The following TENM4 variants were observed in gnomAD, a reference collection of about 807,000 sequenced individuals.
The protein encoded by TENM4 is teneurin transmembrane protein 4, also known as teneurin-4.
TENM4 carries 82 observed loss-of-function variants against 243.3 expected under a neutral mutation model. The ratio of observed to expected loss-of-function variants is 0.34; its 90% CI spans 0.28 to 0.40. The LOEUF is 0.40. TENM4 is among the 10% of genes least tolerant of loss of function. TENM4 has a pLI of 1.00. For missense variants in TENM4, 3,138 were observed against 3,673.3 expected, an observed-to-expected ratio of 0.85 and a Z score of 3.77; for synonymous variants, 1,412 against 1,456.3, an observed-to-expected ratio of 0.97 and a Z score of 0.69.
intron 6 of TENM4, among the ~76,000 whole-genome samples, chr11:78,988,884 C>T (rs672583): frequency 0.33 from 50,894 of 152,108 alleles, 9,997 homozygotes; most frequent in Middle Eastern, 0.46. Flanking sequence ...ACTATGTTGC[C>T]TAGGCTGGTC....
chr11:79,438,242 C>T lies in TENM4; in HGVS notation c.-321+2267G>A, dbSNP rs58080034. 0.085 allele frequency among the ~76,000 whole-genome samples: 12,928 copies of T among 152,224 alleles called. 584 individuals are homozygous for T. The highest frequency in any genetic ancestry group is 0.11 in the East Asian group (579 of 5,160). On this transcript the variant is annotated intron_variant, in intron 1 of 33. Transcript: ENST00000278550. The surrounding 1 kb of genome is among the most constrained non-coding windows in gnomAD (Gnocchi z 4.1). ...TGTCAGGGCTGGGGTGGCTTATCCC[C>T]CTACAGACGAAAATCAAGATTTAAA...
intron 6 of TENM4, among the ~76,000 whole-genome samples, chr11:78,947,596 A>AGGC (rs1367951418): frequency 3.0e-4 from 46 of 152,210 alleles, no homozygotes; most frequent in African/African-American, 1.0e-3. Context: ...CTTAGCTATA[A>AGGC]ACCTCCGACA....
rs545289416 is a variant in TENM4 at position 79,149,426 on chromosome 11, A to G, written c.-162-620T>C. Reference sequence around the variant, plus strand: ...AAGTGCTGTCTTGGCTATATTCCACAACTTTTGATATTTAATATTTCTTTG... The same window carrying G: ...AAGTGCTGTCTTGGCTATATTCCACGACTTTTGATATTTAATATTTCTTTG... On this transcript the variant is annotated intron_variant, in intron 3 of 33. Transcript: ENST00000278550. Among the ~76,000 whole-genome samples, 12 of 152,228 alleles carry G rather than the reference A, an allele frequency of 7.9e-5. 1 individual carries two copies. Among genetic ancestry groups the G allele is most frequent in the African/African-American group, 2.4e-4 (10 of 41,542 alleles).
At chr11:79,345,236 T>C (rs1857307087) in intron 1 of TENM4, among the ~76,000 whole-genome samples, 1 of 152,232 alleles carries the variant, frequency 6.6e-6, no homozygotes, top group East Asian at 1.9e-4. Context: ...GATTTCTTTC[T>C]GTTTTATTCT....
chr11:78,972,925 C>G (rs1857576087), intron 6 of TENM4, among the ~76,000 whole-genome samples: 1 of 152,214 alleles, frequency 6.6e-6, no homozygotes, highest in Admixed American at 6.5e-5. Flanking sequence ...AAAATGGGAT[C>G]ATATAATATG....
At position 79,395,216 on chromosome 11, in the gene TENM4, C is replaced by G. The variant is rs190368765; in HGVS notation, c.-321+45293G>C. 5.3e-4 allele frequency among the ~76,000 whole-genome samples: 80 copies of G among 152,326 alleles called. No individual in the cohort carries two copies. In the Middle Eastern group the frequency reaches 0.01, roughly 19 times the overall value. ...TGAATTCCTACATCTCCTGCCATCT[C>G]TTCACATCAGCTATTTTCCTTCCAG... On this transcript the variant is annotated intron_variant, in intron 1 of 33. Coordinates refer to ENST00000278550, the MANE Select transcript of TENM4 (RefSeq NM_001098816.3).
chr11:78,968,804 C>T (rs1857486744), intron 6 of TENM4, among the ~76,000 whole-genome samples: 1 of 152,150 alleles, frequency 6.6e-6, no homozygotes, highest in Non-Finnish European at 1.5e-5. Flanking sequence ...AATGCTGTTT[C>T]CAAGTGGTGG....
intron 15 of TENM4, among the ~76,000 whole-genome samples, chr11:78,799,950 T>A (rs1340305437): frequency 6.6e-6 from 1 of 151,900 alleles, no homozygotes; most frequent in Non-Finnish European, 1.5e-5. Flanking sequence ...TTTATGAGGC[T>A]GAGGAGAGAG....
intron 6 of TENM4, among the ~76,000 whole-genome samples, chr11:78,944,771 CTG>C (rs1479266748): frequency 6.6e-6 from 1 of 152,194 alleles, no homozygotes; most frequent in African/African-American, 2.4e-5. Context: ...ACAAAGCACA[CTG>C]TATCTTCACT....
intron 17 of TENM4, among the ~76,000 whole-genome samples, chr11:78,772,814 T>C (rs967070456): frequency 1.3e-5 from 2 of 152,196 alleles, no homozygotes; most frequent in Non-Finnish European, 2.9e-5. Flanking sequence ...CATGTAACAA[T>C]TGTGTACTCC....
At chr11:78,707,450 A>G (rs1859285278) in intron 27 of TENM4, among the ~76,000 whole-genome samples, 1 of 152,254 alleles carries the variant, frequency 6.6e-6, no homozygotes, top group Non-Finnish European at 1.5e-5. Flanking sequence ...ACTCTTTGGC[A>G]TGGTACAACA....
chr11:79,233,889 A>C (rs1356182561), intron 2 of TENM4, among the ~76,000 whole-genome samples: 6 of 152,184 alleles, frequency 3.9e-5, no homozygotes, highest in African/African-American at 1.2e-4. Flanking sequence ...GGCCCTTTCA[A>C]TAGGTTGTAC....
intron 1 of TENM4, among the ~76,000 whole-genome samples, chr11:79,318,959 G>C (rs1425195844): frequency 2.6e-5 from 4 of 152,144 alleles, no homozygotes; most frequent in African/African-American, 9.7e-5. Context: ...GTCCAATCCA[G>C]CCATCAGCCA....
Position 79,069,874 on chromosome 11 carries a change from C to A in TENM4, c.71G>T (p.Ser24Ile). 6.5e-7 allele frequency: 1 copy of A among 1,549,910 alleles called. No individual in the cohort carries two copies. ...GCCCTCCTCGCTGTCCGCGGACGAG[C>A]TGGTGTAGCGGCGCTCGGCGTCGCG... ...RRRDAERRYTSSSADSEEGKA... is the reference protein window; with the variant it reads ...RRRDAERRYTISSADSEEGKA... The change falls in exon 5 of 34, where the codon AGC becomes ATC. Residue 24 changes from serine to isoleucine, a missense_variant. By Grantham distance (142) the Ser-to-Ile change is moderately radical. Around this residue, in one of 2 missense-constraint regions of TENM4, gnomAD observed 671 missense variants for 614.1 expected, o/e 1.09. Coordinates refer to ENST00000278550, the MANE Select transcript of TENM4 (RefSeq NM_001098816.3).
chr11:78,843,049 C>T (rs191617748), intron 12 of TENM4, among the ~76,000 whole-genome samples: 3 of 152,038 alleles, frequency 2.0e-5, no homozygotes, highest in Admixed American at 6.5e-5. Flanking sequence ...GAGGCCGAGG[C>T]GGGTGGATCA....
At chr11:78,999,010 A>C (rs1051226675) in intron 6 of TENM4, among the ~76,000 whole-genome samples, 1 of 152,224 alleles carries the variant, frequency 6.6e-6, no homozygotes, top group Non-Finnish European at 1.5e-5. Context: ...ATTTCCCTTC[A>C]TCTCACATCT....
chr11:78,871,190 T>C (rs1331840444), intron 9 of TENM4, among the ~76,000 whole-genome samples: 2 of 152,194 alleles, frequency 1.3e-5, no homozygotes, highest in African/African-American at 2.4e-5. Flanking sequence ...ACCAGTTACA[T>C]GACAACTTTA....
intron 5 of TENM4, among the ~76,000 whole-genome samples, chr11:79,065,641 A>G (rs1860224988): frequency 6.6e-6 from 1 of 152,174 alleles, no homozygotes; most frequent in African/African-American, 2.4e-5. Context: ...AGTGAAGAAG[A>G]TGGGGACTGG....
intron 24 of TENM4, 100 bp from the exon 25 acceptor site, chr11:78,720,490 A>G (rs928087652): frequency 8.0e-6 from 9 of 1,119,540 alleles, no homozygotes; most frequent in Middle Eastern, 2.0e-4. Flanking sequence ...CAGCAATGGT[A>G]CTATACAATA....
Sources: allele counts gnomAD v4.1 joint callset (sites outside exome capture counted in the v4.1 genomes callset), GRCh38; gene constraint gnomAD v4.1.1; regional missense constraint gnomAD v4.1.1; non-coding constraint Gnocchi (gnomAD v3.1); transcripts MANE v1.5; gene names NCBI Gene and HGNC (gene_info 2026-07-23, HGNC 2026-07-21).